The following PHKB variants were observed in gnomAD, a reference collection of about 807,000 sequenced individuals.
PHKB encodes the protein phosphorylase kinase regulatory subunit beta.
Under a neutral mutation model 152.1 loss-of-function variants are expected in PHKB, and 122 were observed. That is an observed-to-expected ratio of 0.80 (90% CI 0.69 to 0.93). The LOEUF (loss-of-function observed/expected upper bound fraction) is 0.93. Ranked by LOEUF, PHKB falls within the 40% of genes least tolerant of loss-of-function variation. The pLI, the probability that PHKB is intolerant of heterozygous loss-of-function variation, is 0.00. For missense variants in PHKB, 1,304 were observed against 1,328.4 expected (o/e 0.98, Z 0.29); for synonymous variants, 436 against 464.9 (o/e 0.94, Z 0.80).
rs1970511999 is a variant in PHKB at position 47,511,686 on chromosome 16, C to A, written c.427C>A (p.Pro143Thr). Residue 143 changes from proline to threonine, a missense_variant, in exon 5 of 31, where the codon CCA becomes ACA. Transcript: ENST00000323584. ...CTAGGTCCAGCAGTTTAAGCAGGAT[C>A]CACGCCCAACAACATGTCTTCACTC... ...ADKVQQFKQD[P>T]RPTTCLHSVF... is the part of the protein sequence containing the mutation. The A allele has an allele frequency of 6.2e-7, 1 of 1,611,970 alleles. No individual in the cohort carries two copies.
Position 47,503,155 on chromosome 16 carries a change from G to A in PHKB, c.405+65G>A, listed in dbSNP as rs566184141. 5.0e-5 allele frequency: 53 copies of A among 1,062,404 alleles called. 1 individual carries two copies. The East Asian group carries it at 5.9e-4, about 12-fold the overall frequency. The allele number at this position is 1,062,404 out of a possible 1,614,324, so 65.8% of individuals were successfully genotyped here. ...CTGAAGGATTAATTTAACTAGTATC[G>A]CAATGGTTTCTTCTGAAGAAGAATG... On this transcript the variant is annotated intron_variant, in intron 4 of 30. Coordinates refer to ENST00000323584, the MANE Select transcript of PHKB (RefSeq NM_000293.3).
In PHKB at chr16:47,535,813, A is replaced by G. The variant is rs534148258; in HGVS notation, c.595-11620A>G. 1.6e-3 allele frequency among the ~76,000 whole-genome samples: 248 copies of G among 152,344 alleles called. 2 individuals are homozygous for G. The highest frequency in any genetic ancestry group is 2.7e-3 in the Non-Finnish European group (185 of 68,024). On this transcript the variant is annotated intron_variant, in intron 6 of 30. Coordinates refer to ENST00000323584, the MANE Select transcript of PHKB (RefSeq NM_000293.3). The stretch of plus-strand genomic sequence containing the variant: ...TGTCTTAATGATACTCTTAAAACAT[A>G]CTGAAAACACCACAGATGACATTTG...
chr16:47,476,603 A>G lies in PHKB; in HGVS notation c.76+15177A>G, dbSNP rs188309162. 2.8e-4 allele frequency among the ~76,000 whole-genome samples: 42 copies of G among 152,304 alleles called. No individual in the cohort carries two copies. In the East Asian group the frequency reaches 7.9e-3, roughly 29 times the overall value. ...CTTTCTTCTGCTGTATCTCATTTTC[A>G]TTATATTGATACTTATACCTAAGAC... On this transcript the variant is annotated intron_variant, in intron 1 of 30. Transcript: ENST00000323584.
chr16:47,559,622 A>C (rs1971441843), intron 7 of PHKB, among the ~76,000 whole-genome samples: 1 of 152,088 alleles, frequency 6.6e-6, no homozygotes, highest in South Asian at 2.1e-4. Context: ...GCCTATGTGA[A>C]GTTTTTCCAT....
At chr16:47,522,429 C>CT (rs1253667686) in intron 6 of PHKB, among the ~76,000 whole-genome samples, 1 of 151,750 alleles carries the variant, frequency 6.6e-6, no homozygotes, top group Non-Finnish European at 1.5e-5. Context: ...AGTCTTATCC[C>CT]TTTTTTTCTT....
chr16:47,532,805 C>T (rs541946013), intron 6 of PHKB, among the ~76,000 whole-genome samples: 59 of 152,336 alleles, frequency 3.9e-4, no homozygotes, highest in African/African-American at 1.2e-3. Context: ...GCAAGGGGCA[C>T]GTTTCAGCCC....
At chr16:47,490,145 T>C (rs970695917) in intron 1 of PHKB, among the ~76,000 whole-genome samples, 1 of 152,210 alleles carries the variant, frequency 6.6e-6, no homozygotes, top group African/African-American at 2.4e-5. Context: ...TTGATATTCA[T>C]GAACATTTCA....
intron 6 of PHKB, among the ~76,000 whole-genome samples, chr16:47,530,459 TC>T (rs1970843379): frequency 6.6e-6 from 1 of 152,102 alleles, no homozygotes; most frequent in Admixed American, 6.6e-5. Flanking sequence ...GCCACTAAAC[TC>T]CTATTTAACA....
intron 14 of PHKB, among the ~76,000 whole-genome samples, chr16:47,616,460 A>G (rs1197042699): frequency 7.1e-6 from 1 of 140,286 alleles, no homozygotes. Context: ...AGTAAAATAT[A>G]TATGATATAT....
intron 15 of PHKB, 105 bp from the exon 16 acceptor site, chr16:47,641,494 A>G (rs1166192822): frequency 5.6e-6 from 4 of 712,848 alleles, no homozygotes; most frequent in Non-Finnish European, 1.0e-5. Flanking sequence ...CAAATTAATA[A>G]TGCCCTCCAA....
intron 26 of PHKB, among the ~76,000 whole-genome samples, chr16:47,675,400 A>G (rs1973709130): frequency 6.6e-6 from 1 of 152,138 alleles, no homozygotes; most frequent in South Asian, 2.1e-4. Context: ...TCCCCATGAC[A>G]TTTGGAGAAC....
intron 6 of PHKB, among the ~76,000 whole-genome samples, chr16:47,533,368 C>T (rs1403842358): frequency 6.6e-6 from 1 of 152,168 alleles, no homozygotes; most frequent in Admixed American, 6.5e-5. Flanking sequence ...CAGGCCCTCC[C>T]TGGCCTGAAA....
At chr16:47,547,117 G>C (rs1393226217) in intron 6 of PHKB, among the ~76,000 whole-genome samples, 2 of 152,196 alleles carry the variant, frequency 1.3e-5, no homozygotes, top group Non-Finnish European at 1.5e-5. Context: ...TGCATCCACT[G>C]TCCGACTATT....
intron 1 of PHKB, among the ~76,000 whole-genome samples, chr16:47,493,507 T>C (rs548706840): frequency 1.2e-4 from 18 of 152,312 alleles, no homozygotes; most frequent in Admixed American, 4.6e-4. Flanking sequence ...GGGTCGTCTT[T>C]AGTTACGTGT....
intron 1 of PHKB, among the ~76,000 whole-genome samples, chr16:47,480,405 A>G (rs1272601396): frequency 6.6e-6 from 1 of 152,234 alleles, no homozygotes; most frequent in African/African-American, 2.4e-5. Flanking sequence ...AATTTAAAAG[A>G]GAACAATAGT....
At chr16:47,652,295 G>A (rs753834546) in intron 20 of PHKB, among the ~76,000 whole-genome samples, 2 of 151,402 alleles carry the variant, frequency 1.3e-5, no homozygotes, top group Non-Finnish European at 1.5e-5. Context: ...CTGAGATTTG[G>A]GGTGTGAGCG....
intron 29 of PHKB, among the ~76,000 whole-genome samples, chr16:47,698,044 C>T (rs1011725713): frequency 6.6e-6 from 1 of 152,154 alleles, no homozygotes; most frequent in Non-Finnish European, 1.5e-5. Flanking sequence ...TGCCTGGCTT[C>T]TCTGGCTTTG....
intron 14 of PHKB, among the ~76,000 whole-genome samples, chr16:47,635,348 TA>T (rs1270857845): frequency 1.3e-5 from 2 of 152,196 alleles, no homozygotes; most frequent in Admixed American, 1.3e-4. Flanking sequence ...ACCTACCTAA[TA>T]GGGGTGTTTA....
intron 1 of PHKB, among the ~76,000 whole-genome samples, chr16:47,478,193 G>A (rs1238828372): frequency 6.6e-6 from 1 of 152,106 alleles, no homozygotes; most frequent in Non-Finnish European, 1.5e-5. Flanking sequence ...TAATTTACAA[G>A]ATGAGAGTTA....
Sources: gnomAD v4.1 joint callset for allele counts (sites outside exome capture counted in the v4.1 genomes callset) on GRCh38, gnomAD v4.1.1 for gene constraint, MANE v1.5 for transcripts, NCBI Gene and HGNC (gene_info 2026-07-23, HGNC 2026-07-21) for gene names.